MTPAP: variants seen among roughly 807,000 people sequenced by gnomAD.
The protein encoded by MTPAP is mitochondrial poly(A) polymerase, also known as poly(A) RNA polymerase, mitochondrial.
In MTPAP, 23 loss-of-function variants were observed where a neutral mutation model predicts 48.7. That is an observed-to-expected ratio of 0.47 (90% confidence interval 0.34 to 0.67). MTPAP has a LOEUF of 0.67. Ranked by LOEUF, MTPAP falls within the 30% of genes least tolerant of loss-of-function variation. MTPAP has a pLI of 0.01. For synonymous variants in MTPAP, 257 were observed against 254.1 expected (o/e 1.01, Z -0.11); for missense variants, 614 against 694.3 (o/e 0.88, Z 1.30).
chr10:30,317,341 C>T (rs1033756698), intron 6 of MTPAP, among the ~76,000 whole-genome samples: 6 of 152,160 alleles, frequency 3.9e-5, no homozygotes, highest in South Asian at 2.1e-4. Flanking sequence ...TCTTCATACA[C>T]GACACAAACT....
chr10:30,344,907 T>C (rs1402353333), intron 1 of MTPAP, among the ~76,000 whole-genome samples: 4 of 152,152 alleles, frequency 2.6e-5, no homozygotes, highest in Non-Finnish European at 5.9e-5. Context: ...TTTCACCATG[T>C]TGGTCCGGCT....
At chr10:30,315,289 A>G (rs558575693) in intron 8 of MTPAP, among the ~76,000 whole-genome samples, 57 of 152,328 alleles carry the variant, frequency 3.7e-4, no homozygotes, top group African/African-American at 1.2e-3. Flanking sequence ...AGGAGAAAGT[A>G]TATCTGGGTT....
In MTPAP at chr10:30,322,510, G is replaced by T; in HGVS notation, c.1100C>A (p.Thr367Lys). The T allele has an allele frequency of 6.2e-7, 1 of 1,613,740 alleles. No homozygotes were observed. The highest frequency in any genetic ancestry group is 8.5e-7 in the Non-Finnish European group (1 of 1,179,700). Residue 367 changes from threonine to lysine, a missense_variant, in exon 6 of 9, where the codon ACA becomes AAA. Physicochemically the swap from Thr to Lys is moderately conservative, Grantham distance 78. Transcript: ENST00000263063. The part of the protein sequence containing the change: ...VRCWARAHSL[T>K]SSIPGAWITN... ...AATCCATGCACCAGGAATACTACTTGTTAGTGAATGTGCTCGAGCCCAGCA... is the reference window on the plus strand; with the variant it reads ...AATCCATGCACCAGGAATACTACTTTTTAGTGAATGTGCTCGAGCCCAGCA...
At chr10:30,327,542 A>G (rs1304003264) in intron 4 of MTPAP, among the ~76,000 whole-genome samples, 1 of 137,376 alleles carries the variant, frequency 7.3e-6, no homozygotes, top group Non-Finnish European at 1.6e-5. Context: ...AAATAAATAA[A>G]TTACTAAAAC....
rs971642441 is a variant in MTPAP, at chr10:30,312,054, G to C, written c.*1555C>G. 10 of 152,466 alleles carry C rather than the reference G, an allele frequency of 6.6e-5. No individual in the cohort carries two copies. Among genetic ancestry groups the C allele is most frequent in the African/African-American group, 1.7e-4 (7 of 41,576 alleles). 9.4% of individuals were successfully genotyped at this position (152,466 alleles called of 1,614,324 possible). On this transcript the variant is annotated 3_prime_UTR_variant, in exon 9 of 9. Transcript: ENST00000263063. Reference sequence around the variant, plus strand: ...CCCAGCTGAGGCAGGAGAATCACTTGAATCCGGGAGGCGGAGGTTGCAGTG... The same window carrying C: ...CCCAGCTGAGGCAGGAGAATCACTTCAATCCGGGAGGCGGAGGTTGCAGTG...
chr10:30,317,821 C>G (rs181043575), intron 6 of MTPAP, among the ~76,000 whole-genome samples: 1 of 152,120 alleles, frequency 6.6e-6, no homozygotes, highest in East Asian at 1.9e-4. Flanking sequence ...TAGCATATAG[C>G]AGGTATATAA....
chr10:30,340,918 C>CA (rs5784192), intron 2 of MTPAP, among the ~76,000 whole-genome samples: 60,534 of 148,552 alleles, frequency 0.41, 15,031 homozygotes, highest in Middle Eastern at 0.56. Context: ...GACTCCATGT[C>CA]AAAAAAAAAG....
At chr10:30,323,659 A>G (rs1454088704) in intron 5 of MTPAP, among the ~76,000 whole-genome samples, 1 of 151,786 alleles carries the variant, frequency 6.6e-6, no homozygotes, top group Admixed American at 6.6e-5. Flanking sequence ...ACAGGCGCCC[A>G]CCACCACGCC....
intron 5 of MTPAP, 105 bp from the exon 6 acceptor site, chr10:30,322,722 G>T (rs776395702): frequency 2.5e-6 from 2 of 795,320 alleles, no homozygotes; most frequent in Non-Finnish European, 4.2e-6. Flanking sequence ...TACTATATCT[G>T]AATGTATTCA....
At chr10:30,317,162 C>G (rs888860921) in intron 6 of MTPAP, among the ~76,000 whole-genome samples, 4 of 152,086 alleles carry the variant, frequency 2.6e-5, no homozygotes, top group Admixed American at 6.5e-5. Context: ...ATTTAGCATA[C>G]TAGAATTATT....
chr10:30,345,611 G>A (rs867123082), intron 1 of MTPAP, among the ~76,000 whole-genome samples: 21 of 152,260 alleles, frequency 1.4e-4, no homozygotes, highest in Middle Eastern at 3.4e-3. Context: ...AGAAAGTTGA[G>A]GTAATTTATT....
chr10:30,327,093 A>G (rs1377717808), intron 4 of MTPAP, among the ~76,000 whole-genome samples: 2 of 152,196 alleles, frequency 1.3e-5, no homozygotes, highest in Non-Finnish European at 2.9e-5. Context: ...AGGCTTGTAC[A>G]TAGGAATTTA....
chr10:30,338,308 CAACA>C (rs1834754409), intron 3 of MTPAP, among the ~76,000 whole-genome samples: 3 of 134,958 alleles, frequency 2.2e-5, no homozygotes. Flanking sequence ...ATTAACATAA[CAACA>C]TAACATTAAC....
rs139217290 is a variant in MTPAP, at chr10:30,341,649, G to A, written c.158-9C>T. Reference sequence around the variant, plus strand: ...AATCTTGTCTTCAAAGCCTATGAACGAGACAAAAACATTTCCACCACACGC... The same window carrying A: ...AATCTTGTCTTCAAAGCCTATGAACAAGACAAAAACATTTCCACCACACGC... On this transcript the variant is annotated splice_polypyrimidine_tract_variant and intron_variant, in intron 1 of 8. Coordinates refer to ENST00000263063, the MANE Select transcript of MTPAP (RefSeq NM_018109.4). The A allele has an allele frequency of 9.1e-4, 1,476 of 1,613,574 alleles. 7 individuals are homozygous for A. The African/African-American group carries it at 0.015, about 17-fold the overall frequency.
At chr10:30,317,532 T>C (rs1840676496) in intron 6 of MTPAP, among the ~76,000 whole-genome samples, 1 of 152,186 alleles carries the variant, frequency 6.6e-6, no homozygotes, top group Non-Finnish European at 1.5e-5. Flanking sequence ...CACCATGAAA[T>C]CCCTGGCCCA....
At chr10:30,328,323 G>A (rs1834623151) in intron 4 of MTPAP, among the ~76,000 whole-genome samples, 1 of 152,212 alleles carries the variant, frequency 6.6e-6, no homozygotes, top group African/African-American at 2.4e-5. Flanking sequence ...TAACGCGTAT[G>A]AGAAAACATG....
chr10:30,320,721 AG>A (rs1352085308), intron 6 of MTPAP, among the ~76,000 whole-genome samples: 1 of 152,204 alleles, frequency 6.6e-6, no homozygotes, highest in African/African-American at 2.4e-5. Context: ...TCCCAGGCAG[AG>A]GACAACAGGG....
Position 30,312,647 on chromosome 10 carries a change from T to C in MTPAP, c.*962A>G, listed in dbSNP as rs1157773053. On this transcript the variant is annotated 3_prime_UTR_variant, in exon 9 of 9. Coordinates refer to ENST00000263063, the MANE Select transcript of MTPAP (RefSeq NM_018109.4). ...ATGCAAAATCTGCTTATGTGCAAGG[T>C]GGAATTCTCCCATGCACGGGCTCCA... 1 of 150,044 alleles carries C rather than the reference T, an allele frequency of 6.7e-6. No homozygotes were observed. The highest frequency in any genetic ancestry group is 6.7e-5 in the Admixed American group (1 of 15,030). 9.3% of individuals were successfully genotyped at this position (150,044 alleles called of 1,614,324 possible).
intron 6 of MTPAP, among the ~76,000 whole-genome samples, chr10:30,321,101 CTGAA>C (rs1840720238): frequency 6.6e-6 from 1 of 152,194 alleles, no homozygotes; most frequent in African/African-American, 2.4e-5. Context: ...TCAGTAAATA[CTGAA>C]TGAATGACAC....
Sources: allele counts gnomAD v4.1 joint callset (sites outside exome capture counted in the v4.1 genomes callset), GRCh38; gene constraint gnomAD v4.1.1; transcripts MANE v1.5; gene names NCBI Gene and HGNC (gene_info 2026-07-23, HGNC 2026-07-21).